Variants in LAMC1 observed in about 807,000 individuals in gnomAD.
The protein encoded by LAMC1 is laminin subunit gamma-1.
LAMC1 carries 38 observed loss-of-function variants against 173.6 expected under a neutral mutation model. The ratio of observed to expected loss-of-function variants is 0.22; its 90% CI spans 0.17 to 0.29. The LOEUF is 0.29. Ranked by LOEUF, LAMC1 falls within the 10% of genes least tolerant of loss-of-function variation. The pLI is 1.00. For missense variants in LAMC1, 1,824 were observed against 2,051.8 expected (o/e 0.89, Z 2.14); for synonymous variants, 746 against 749.1 (o/e 1.00, Z 0.07).
At position 183,142,936 on chromosome 1, in the gene LAMC1, G is replaced by A. The variant is rs2102119898; in HGVS notation, c.*146G>A. The A allele has an allele frequency of 1.3e-6, 1 of 799,718 alleles. No homozygotes were observed. Among genetic ancestry groups the A allele is most frequent in the Non-Finnish European group, 1.9e-6 (1 of 517,370 alleles). The allele number at this position is 799,718 out of a possible 1,614,324, so 49.5% of individuals were successfully genotyped here. ...TCCTTTTGAACCAGGAAAAGTCACA[G>A]AGTTTAAAGAGAAGCAAATTAAACA... On this transcript the variant is annotated 3_prime_UTR_variant, in exon 28 of 28. Coordinates refer to ENST00000258341, the MANE Select transcript of LAMC1 (RefSeq NM_002293.4).
In LAMC1 at chr1:183,116,561, A is replaced by G. The variant is rs6424888; in HGVS notation, c.1329-16A>G. 853,748 of 1,523,462 alleles carry G rather than the reference A, an allele frequency of 0.56. 242,986 individuals are homozygous for G. Among genetic ancestry groups the G allele is most frequent in the Admixed American group, 0.66 (37,062 of 56,548 alleles). 94.4% of individuals were successfully genotyped at this position (1,523,462 alleles called of 1,614,324 possible). A position where few individuals can be genotyped will look rare whatever the true frequency, so the allele number is the denominator to read the frequency against. Reference sequence around the variant, plus strand: ...TCTCCCTTCTCTGATTGTTTTATCCATTTTTCATTGAATAGGCCATGCTCT... The same window carrying G: ...TCTCCCTTCTCTGATTGTTTTATCCGTTTTTCATTGAATAGGCCATGCTCT... On this transcript the variant is annotated splice_polypyrimidine_tract_variant and intron_variant, in intron 6 of 27. Coordinates refer to ENST00000258341, the MANE Select transcript of LAMC1 (RefSeq NM_002293.4).
intron 13 of LAMC1, among the ~76,000 whole-genome samples, chr1:183,122,880 T>G (rs1656516945): frequency 1.3e-5 from 2 of 152,058 alleles, no homozygotes; most frequent in African/African-American, 4.8e-5. Context: ...AACAGCTCTT[T>G]TTGCCTTTAG....
At chr1:183,036,380 G>A (rs1417269070) in intron 1 of LAMC1, among the ~76,000 whole-genome samples, 4 of 148,366 alleles carry the variant, frequency 2.7e-5, no homozygotes, top group African/African-American at 5.0e-5. Context: ...TTACTGGCGT[G>A]AGCCACCACG....
intron 1 of LAMC1, among the ~76,000 whole-genome samples, chr1:183,065,590 A>G (rs778057852): frequency 1.7e-4 from 26 of 152,226 alleles, no homozygotes; most frequent in Non-Finnish European, 3.2e-4. Context: ...ACATCTAAAA[A>G]TGCTTTAAAA....
intron 1 of LAMC1, among the ~76,000 whole-genome samples, chr1:183,094,023 T>A (rs1387214267): frequency 1.3e-5 from 2 of 152,184 alleles, no homozygotes; most frequent in Non-Finnish European, 2.9e-5. Context: ...TGGGTTCTCA[T>A]CTTATTCAGA....
chr1:183,113,287 A>G (rs1278981766), intron 4 of LAMC1, among the ~76,000 whole-genome samples: 2 of 152,216 alleles, frequency 1.3e-5, no homozygotes, highest in East Asian at 3.8e-4. Flanking sequence ...ACTGCACTCC[A>G]GAGTGAGACC....
chr1:183,048,873 A>T (rs1236287555), intron 1 of LAMC1, among the ~76,000 whole-genome samples: 1 of 152,192 alleles, frequency 6.6e-6, no homozygotes, highest in Non-Finnish European at 1.5e-5. Flanking sequence ...ACAGGAAGCC[A>T]AAGCCCTCTC....
chr1:183,071,555 T>TC (rs1199423200), intron 1 of LAMC1, among the ~76,000 whole-genome samples: 8 of 109,646 alleles, frequency 7.3e-5, no homozygotes, highest in African/African-American at 1.5e-4. Flanking sequence ...TTTGTGGTCA[T>TC]TTGGGACATC....
rs1382874802 is a variant in LAMC1, at chr1:183,133,014, G to A, written c.3705-392G>A. On this transcript the variant is annotated intron_variant, in intron 21 of 27. Transcript: ENST00000258341. ...CATCCTCTGCCTCCCGGGTTCAAGCGATTCTCCTGCCTCGGCCTCCTGAGT... is the reference window on the plus strand; with the variant it reads ...CATCCTCTGCCTCCCGGGTTCAAGCAATTCTCCTGCCTCGGCCTCCTGAGT... 2.0e-5 allele frequency among the ~76,000 whole-genome samples: 3 copies of A among 152,184 alleles called. No homozygotes were observed. The East Asian group carries it at 5.8e-4, about 29-fold the overall frequency.
At chr1:183,025,802 A>C (rs936591529) in intron 1 of LAMC1, among the ~76,000 whole-genome samples, 1 of 152,252 alleles carries the variant, frequency 6.6e-6, no homozygotes, top group African/African-American at 2.4e-5. Flanking sequence ...CTGAAATTCA[A>C]TTGACAATTA....
intron 4 of LAMC1, among the ~76,000 whole-genome samples, 172 bp downstream of exon 4, chr1:183,110,826 C>T (rs1328799533): frequency 6.6e-6 from 1 of 152,192 alleles, no homozygotes; most frequent in Non-Finnish European, 1.5e-5. Flanking sequence ...GAGGGCAATT[C>T]ACTGTAAAGG....
intron 1 of LAMC1, among the ~76,000 whole-genome samples, chr1:183,096,235 C>T (rs917154333): frequency 3.9e-5 from 6 of 152,070 alleles, no homozygotes; most frequent in African/African-American, 7.2e-5. Flanking sequence ...TATTTTGATA[C>T]TTCATCGAAA....
chr1:183,114,638 G>A lies in LAMC1; in HGVS notation c.1129G>A (p.Ala377Thr), dbSNP rs756781572. ...CAACTGCCAGGATAACACAGATGGC[G>A]CCCACTGTGAGAGGTGCCGAGAGAA... is the stretch of plus-strand genomic sequence containing the variant. ...CTNCQDNTDG[A>T]HCERCRENFF... The change falls in exon 5 of 28, where the codon GCC (alanine) becomes ACC (threonine). Residue 377 changes from alanine (A) to threonine (T), a missense_variant. By Grantham distance (58) the Ala-to-Thr change is moderately conservative. Coordinates refer to ENST00000258341, the MANE Select transcript of LAMC1 (RefSeq NM_002293.4). 1.2e-5 allele frequency: 20 copies of A among 1,614,140 alleles called. No individual in the cohort carries two copies. The highest frequency in any genetic ancestry group is 4.0e-5 in the African/African-American group (3 of 75,020).
At chr1:183,130,242 C>T (rs758965230) in intron 18 of LAMC1, 102 bp from the exon 19 acceptor site, 106 of 1,011,990 alleles carry the variant, frequency 1.0e-4, no homozygotes, top group South Asian at 1.4e-4. Flanking sequence ...CAGAAAGTTG[C>T]GATGTTTAGA....
intron 22 of LAMC1, among the ~76,000 whole-genome samples, chr1:183,134,426 G>A (rs577812801): frequency 3.2e-4 from 49 of 152,288 alleles, no homozygotes; most frequent in African/African-American, 1.1e-3. Flanking sequence ...TTTGATTGGG[G>A]TGTTGGTTAT....
intron 4 of LAMC1, among the ~76,000 whole-genome samples, chr1:183,113,259 A>G (rs924937036): frequency 1.3e-5 from 2 of 152,184 alleles, no homozygotes; most frequent in East Asian, 1.9e-4. Flanking sequence ...TGAGGCTGCA[A>G]TGAGTTATGG....
chr1:183,133,412 A>C lies in LAMC1; in HGVS notation c.3711A>C (p.Glu1237Asp), dbSNP rs753326127. ...FEIEELNRKY[E>D]QAKNISQDLE... ...CACATTATTTGTGTCTTAGGTATGA[A>C]CAAGCGAAGAACATCTCACAGGATC... The change falls in exon 22 of 28, where the codon GAA becomes GAC. Residue 1237 changes from glutamate to aspartate, a missense_variant. Glu to Asp is a conservative substitution (Grantham distance 45, BLOSUM62 2). Coordinates refer to ENST00000258341, the MANE Select transcript of LAMC1 (RefSeq NM_002293.4). The C allele has an allele frequency of 2.0e-5, 32 of 1,613,342 alleles. No homozygotes were observed. In the South Asian group the frequency reaches 3.4e-4, roughly 17 times the overall value.
rs1218233832 is a variant in LAMC1, at chr1:183,142,527, C to G, written c.4574-7C>G. 6.2e-6 allele frequency: 10 copies of G among 1,601,250 alleles called. No homozygotes were observed. Among genetic ancestry groups the G allele is most frequent in the Non-Finnish European group, 8.5e-6 (10 of 1,174,882 alleles). On this transcript the variant is annotated splice_polypyrimidine_tract_variant and splice_region_variant and intron_variant, in intron 27 of 27. Coordinates refer to ENST00000258341, the MANE Select transcript of LAMC1 (RefSeq NM_002293.4). Reference sequence around the variant, plus strand: ...TGTTCTCTTCTATGTACTTTCTGACCCTCCAGGGCAGCTGGATACAGTGGA... The same window carrying G: ...TGTTCTCTTCTATGTACTTTCTGACGCTCCAGGGCAGCTGGATACAGTGGA...
Position 183,116,922 on chromosome 1 carries a change from C to T in LAMC1, c.1564+19C>T, listed in dbSNP as rs1229415332. The T allele has an allele frequency of 6.2e-7, 1 of 1,606,666 alleles. No individual in the cohort carries two copies. The highest frequency in any genetic ancestry group is 1.7e-5 in the Admixed American group (1 of 59,638). On this transcript the variant is annotated intron_variant, in intron 8 of 27. Transcript: ENST00000258341. ...CAGATTGGTAATTTAGACCTCATCC[C>T]CCAACCTGTTAGAACTGTGAGATTA... is the stretch of plus-strand genomic sequence containing the variant.
Sources: gnomAD v4.1 joint callset for allele counts (sites outside exome capture counted in the v4.1 genomes callset) on GRCh38, gnomAD v4.1.1 for gene constraint, MANE v1.5 for transcripts, NCBI Gene and HGNC (gene_info 2026-07-23, HGNC 2026-07-21) for gene names.